The following CNTN4 variants were observed in gnomAD, a reference collection of about 807,000 sequenced individuals.
CNTN4 encodes the protein contactin 4.
Under a neutral mutation model 122.5 loss-of-function variants are expected in CNTN4, and 77 were observed. That is an observed-to-expected ratio of 0.63 (90% CI 0.52 to 0.76). CNTN4 has a LOEUF of 0.76. Among genes scored for constraint, CNTN4 ranks in the 30% least tolerant of loss-of-function variants. CNTN4 has a pLI of 0.00. For synonymous variants in CNTN4, 512 were observed against 447.0 expected (o/e 1.15, Z -1.83); for missense variants, 1,256 against 1,259.1 (o/e 1.00, Z 0.04).
chr3:2,219,473 A>C lies in CNTN4; in HGVS notation c.-145+118834A>C, dbSNP rs1454580355. ...AGATCTACCATTTGTGTTACGTTGG[A>C]TTTTTCAGGCCATTGCATCCTTTTC... On this transcript the variant is annotated intron_variant, in intron 2 of 24. Transcript: ENST00000418658. Among the ~76,000 whole-genome samples the C allele has an allele frequency of 2.6e-5, 4 of 151,994 alleles. No individual in the cohort carries two copies. In the East Asian group the frequency reaches 7.7e-4, roughly 29 times the overall value.
intron 4 of CNTN4, among the ~76,000 whole-genome samples, chr3:2,708,031 A>T (rs60545370): frequency 9.2e-5 from 14 of 152,154 alleles, no homozygotes; most frequent in Non-Finnish European, 1.8e-4. Flanking sequence ...TATAATACCA[A>T]TTCATTCTAT....
chr3:2,402,206 A>T (rs1384613925), intron 3 of CNTN4, among the ~76,000 whole-genome samples: 1 of 152,098 alleles, frequency 6.6e-6, no homozygotes, highest in Non-Finnish European at 1.5e-5. Flanking sequence ...GGATTTTATC[A>T]TATCCCCAAC....
intron 2 of CNTN4, among the ~76,000 whole-genome samples, chr3:2,176,959 A>G (rs1474478413): frequency 6.6e-6 from 1 of 152,184 alleles, no homozygotes; most frequent in Non-Finnish European, 1.5e-5. Flanking sequence ...TGTACCCAAG[A>G]AAACCTATAG....
At chr3:2,135,948 T>C (rs1010388201) in intron 2 of CNTN4, among the ~76,000 whole-genome samples, 4 of 152,192 alleles carry the variant, frequency 2.6e-5, no homozygotes, top group Admixed American at 1.3e-4. Flanking sequence ...GCTTTCCCCA[T>C]GTTTGATCTG....
intron 3 of CNTN4, among the ~76,000 whole-genome samples, chr3:2,506,570 C>T (rs904192749): frequency 1.3e-5 from 2 of 152,188 alleles, no homozygotes; most frequent in African/African-American, 4.8e-5. Flanking sequence ...TAAACAAAAG[C>T]AGTCTAACAA....
Position 2,749,896 on chromosome 3 carries a change from A to G in CNTN4, c.358+4199A>G, listed in dbSNP as rs1450398532. ...AGTGAATTAATAAAAGTGAGGCAAG[A>G]CAGTGACATCTTTTGAATGTTACTA... On this transcript the variant is annotated intron_variant, in intron 6 of 24. Transcript: ENST00000418658. Among the ~76,000 whole-genome samples the G allele has an allele frequency of 3.9e-5, 6 of 152,372 alleles. 1 individual carries two copies. The East Asian group carries it at 5.8e-4, about 15-fold the overall frequency.
intron 6 of CNTN4, among the ~76,000 whole-genome samples, chr3:2,764,792 T>C (rs1374073372): frequency 6.6e-6 from 1 of 152,144 alleles, no homozygotes; most frequent in Non-Finnish European, 1.5e-5. Flanking sequence ...GTACCAGCCA[T>C]TAAATTAGGA....
At chr3:2,614,663 A>G (rs1163132060) in intron 4 of CNTN4, among the ~76,000 whole-genome samples, 1 of 152,156 alleles carries the variant, frequency 6.6e-6, no homozygotes, top group Non-Finnish European at 1.5e-5. Flanking sequence ...AATTTTTCTC[A>G]GAGATGTGTA....
chr3:2,594,091 G>T (rs972179237), intron 4 of CNTN4, among the ~76,000 whole-genome samples: 43 of 152,102 alleles, frequency 2.8e-4, no homozygotes, highest in Admixed American at 1.2e-3. Flanking sequence ...GTATATTCAA[G>T]ATACGTTTTA....
intron 2 of CNTN4, among the ~76,000 whole-genome samples, chr3:2,276,777 G>C (rs1035068839): frequency 6.6e-6 from 1 of 152,040 alleles, no homozygotes; most frequent in African/African-American, 2.4e-5. Context: ...TTAGATGGGC[G>C]TGGTGGCGCG....
chr3:2,284,524 C>T (rs779425280), intron 2 of CNTN4, among the ~76,000 whole-genome samples: 12 of 151,892 alleles, frequency 7.9e-5, no homozygotes, highest in African/African-American at 2.7e-4. Context: ...CTCATGTTTG[C>T]TTGAATTTAA....
rs1354973351 is a variant in CNTN4, at chr3:3,043,045, A to G, written c.2580A>G (p.Thr860=). ...ARKIRTVGNQ[T]STKITNLKGS... The stretch of plus-strand genomic sequence containing the variant: ...AAATACGAACAGTTGGAAATCAGAC[A>G]TCAACAAAAATCACGAACTTAAAAG... Residue 860 remains threonine (T), a synonymous_variant, in exon 22 of 25, where the codon ACA becomes ACG. Coordinates refer to ENST00000418658, the MANE Select transcript of CNTN4 (RefSeq NM_175607.3). 6.2e-7 allele frequency: 1 copy of G among 1,614,200 alleles called. No homozygotes were observed. The highest frequency in any genetic ancestry group is 1.7e-5 in the Admixed American group (1 of 60,024).
chr3:2,872,380 C>G (rs1460326750), intron 8 of CNTN4, among the ~76,000 whole-genome samples: 1 of 152,124 alleles, frequency 6.6e-6, no homozygotes, highest in Non-Finnish European at 1.5e-5. Flanking sequence ...AATCATTTAG[C>G]ATGAAAATTC....
chr3:2,374,142 G>A (rs948764408), intron 3 of CNTN4, among the ~76,000 whole-genome samples: 1 of 152,090 alleles, frequency 6.6e-6, no homozygotes, highest in Non-Finnish European at 1.5e-5. Flanking sequence ...TAAAGGAAAT[G>A]GGCTTCTCAC....
At chr3:2,958,230 A>T (rs2094819869) in intron 13 of CNTN4, among the ~76,000 whole-genome samples, 1 of 152,232 alleles carries the variant, frequency 6.6e-6, no homozygotes, top group South Asian at 2.1e-4. Context: ...ATGAGGAAAG[A>T]AAGTGCCAGT....
chr3:3,038,790 G>C, intron 18 of CNTN4, 143 bp from the exon 19 acceptor site: 1 of 662,802 alleles, frequency 1.5e-6, no homozygotes, highest in Non-Finnish European at 2.7e-6. Context: ...TGGGCCCCTT[G>C]ACAATGCTGT....
At chr3:2,196,055 G>T (rs1403639862) in intron 2 of CNTN4, among the ~76,000 whole-genome samples, 2 of 152,124 alleles carry the variant, frequency 1.3e-5, no homozygotes, top group African/African-American at 2.4e-5. Context: ...ACTTCTGCAG[G>T]TCCTATAACC....
chr3:2,761,625 A>G (rs2090596927), intron 6 of CNTN4, among the ~76,000 whole-genome samples: 2 of 152,284 alleles, frequency 1.3e-5, no homozygotes, highest in South Asian at 4.1e-4. Context: ...TCACTGGTCC[A>G]CATACACCCT....
At chr3:2,950,503 G>A (rs2094728711) in intron 13 of CNTN4, among the ~76,000 whole-genome samples, 1 of 152,214 alleles carries the variant, frequency 6.6e-6, no homozygotes, top group African/African-American at 2.4e-5. Context: ...CCCTGTCATA[G>A]TGACATCCAG....
Sources: allele counts gnomAD v4.1 joint callset (sites outside exome capture counted in the v4.1 genomes callset), GRCh38; gene constraint gnomAD v4.1.1; transcripts MANE v1.5; gene names NCBI Gene and HGNC (gene_info 2026-07-23, HGNC 2026-07-21).